The following PRKG2 variants were observed in gnomAD, a reference collection of about 807,000 sequenced individuals.
PRKG2 encodes cGMP-dependent protein kinase 2.
In PRKG2, 33 loss-of-function variants were observed where a neutral mutation model predicts 97.2. That is an observed-to-expected ratio of 0.34 (90% CI 0.26 to 0.45). The LOEUF is 0.45. Ranked by LOEUF, PRKG2 falls within the 20% of genes least tolerant of loss-of-function variation. The pLI, the probability that PRKG2 is intolerant of heterozygous loss-of-function variation, is 1.00. For synonymous variants in PRKG2, 330 were observed against 321.8 expected, an observed-to-expected ratio of 1.03 and a Z score of -0.27; for missense variants, 638 against 900.0, an observed-to-expected ratio of 0.71 and a Z score of 3.73.
intron 2 of PRKG2, among the ~76,000 whole-genome samples, chr4:81,180,731 A>G (rs894994567): frequency 2.6e-5 from 4 of 152,186 alleles, no homozygotes; most frequent in African/African-American, 7.2e-5. Context: ...AAAAATTAGT[A>G]AATAGATCTG....
At chr4:81,133,029 G>T (rs1369363052) in intron 14 of PRKG2, among the ~76,000 whole-genome samples, 5 of 152,034 alleles carry the variant, frequency 3.3e-5, no homozygotes, top group Admixed American at 3.3e-4. Flanking sequence ...TTTAGATCCA[G>T]TAGTTCTTTG....
At chr4:81,100,167 T>C (rs6827234) in intron 17 of PRKG2, among the ~76,000 whole-genome samples, 96,117 of 150,910 alleles carry the variant, frequency 0.64, 32,985 homozygotes, top group African/African-American at 0.91. Flanking sequence ...CAATGCCATC[T>C]CCATCAAGCT....
At chr4:81,168,048 A>AC (rs148586210) in intron 5 of PRKG2, among the ~76,000 whole-genome samples, 16,579 of 152,094 alleles carry the variant, frequency 0.11, 1,103 homozygotes, top group Middle Eastern at 0.21. Flanking sequence ...AAATAAAAAA[A>AC]ATACTGTATA....
intron 14 of PRKG2, among the ~76,000 whole-genome samples, chr4:81,123,361 T>C (rs2110006274): frequency 1.3e-5 from 2 of 152,346 alleles, no homozygotes; most frequent in East Asian, 3.9e-4. Flanking sequence ...CATCCTCATA[T>C]TTTAAGCATA....
chr4:81,097,078 A>T (rs1012980437), intron 17 of PRKG2, among the ~76,000 whole-genome samples: 1 of 152,128 alleles, frequency 6.6e-6, no homozygotes, highest in African/African-American at 2.4e-5. Flanking sequence ...AAATTCATCA[A>T]AATTATTCCT....
intron 2 of PRKG2, among the ~76,000 whole-genome samples, chr4:81,200,340 A>T (rs1753225088): frequency 6.6e-6 from 1 of 152,142 alleles, no homozygotes; most frequent in African/African-American, 2.4e-5. Context: ...CATCAGGTGG[A>T]TCAAACCCAT....
intron 6 of PRKG2, among the ~76,000 whole-genome samples, chr4:81,164,031 A>C (rs1409234898): frequency 1.3e-5 from 2 of 152,166 alleles, no homozygotes; most frequent in African/African-American, 2.4e-5. Context: ...CAGAAGTTTT[A>C]AGGCAAGCAC....
At chr4:81,165,353 C>G (rs1412339634) in intron 6 of PRKG2, among the ~76,000 whole-genome samples, 2 of 152,138 alleles carry the variant, frequency 1.3e-5, no homozygotes, top group Non-Finnish European at 2.9e-5. Flanking sequence ...ATGCAAAACT[C>G]CCAAATCAAC....
chr4:81,170,379 G>C (rs931673736), intron 4 of PRKG2, among the ~76,000 whole-genome samples: 3 of 151,924 alleles, frequency 2.0e-5, no homozygotes, highest in Non-Finnish European at 4.4e-5. Flanking sequence ...AAAGAAAGTG[G>C]GCCAGAAGTG....
At position 81,146,384 on chromosome 4, in the gene PRKG2, T is replaced by G. The variant is rs1051975739; in HGVS notation, c.1155-2054A>C. On this transcript the variant is annotated intron_variant, in intron 9 of 18. Coordinates refer to ENST00000264399, the MANE Select transcript of PRKG2 (RefSeq NM_006259.3). ...AGCAATAACTAATGAACTTTTTTTTTGAAATTTGTCCCAACAGTCAGTGAT... is the reference window on the plus strand; with the variant it reads ...AGCAATAACTAATGAACTTTTTTTTGGAAATTTGTCCCAACAGTCAGTGAT... 1.3e-3 allele frequency among the ~76,000 whole-genome samples: 198 copies of G among 152,200 alleles called. 1 individual carries two copies. Among genetic ancestry groups the G allele is most frequent in the Non-Finnish European group, 1.1e-3 (72 of 68,010 alleles).
intron 6 of PRKG2, among the ~76,000 whole-genome samples, chr4:81,155,246 G>A (rs1009749898): frequency 9.2e-5 from 14 of 151,676 alleles, no homozygotes; most frequent in African/African-American, 3.2e-4. Context: ...GGAGCTGATG[G>A]AGCTGAAAAC....
At chr4:81,144,016 T>G (rs1301125295) in intron 10 of PRKG2, among the ~76,000 whole-genome samples, 1 of 152,160 alleles carries the variant, frequency 6.6e-6, no homozygotes, top group African/African-American at 2.4e-5. Context: ...CTACTCATCA[T>G]CCAAAATAAA....
chr4:81,214,607 C>T (rs1214560568), intron 1 of PRKG2, among the ~76,000 whole-genome samples: 1 of 152,160 alleles, frequency 6.6e-6, no homozygotes, highest in African/African-American at 2.4e-5. Context: ...TAGCTCGGAG[C>T]AACAGCCTCC....
chr4:81,148,293 G>A (rs748702372), intron 9 of PRKG2, among the ~76,000 whole-genome samples: 1 of 151,994 alleles, frequency 6.6e-6, no homozygotes, highest in Non-Finnish European at 1.5e-5. Flanking sequence ...CAGAAATATT[G>A]AGTTGATTAA....
chr4:81,183,185 T>C (rs1751569920), intron 2 of PRKG2, among the ~76,000 whole-genome samples: 1 of 152,026 alleles, frequency 6.6e-6, no homozygotes, highest in South Asian at 2.1e-4. Context: ...AAAAAGACTT[T>C]TGGGGAGTGG....
At chr4:81,181,442 T>C (rs1195007167) in intron 2 of PRKG2, among the ~76,000 whole-genome samples, 3 of 151,186 alleles carry the variant, frequency 2.0e-5, no homozygotes, top group African/African-American at 4.9e-5. Context: ...ATATTATAAA[T>C]GAGCGTCCTA....
intron 10 of PRKG2, among the ~76,000 whole-genome samples, chr4:81,143,726 A>G (rs1321703878): frequency 1.3e-5 from 2 of 152,204 alleles, no homozygotes; most frequent in Non-Finnish European, 2.9e-5. Context: ...CTCTAAAAAA[A>G]TGTTTCAGCA....
chr4:81,147,925 G>T (rs1187875970), intron 9 of PRKG2, among the ~76,000 whole-genome samples: 1 of 152,046 alleles, frequency 6.6e-6, no homozygotes, highest in African/African-American at 2.4e-5. Flanking sequence ...AAAATAGTGT[G>T]GAGATAGCAG....
chr4:81,189,111 A>C (rs1176247806), intron 2 of PRKG2, among the ~76,000 whole-genome samples: 1 of 114,546 alleles, frequency 8.7e-6, no homozygotes, highest in Non-Finnish European at 1.6e-5. Context: ...CAATTGCACA[A>C]TGTTTCAGTA....
Sources: gnomAD v4.1 joint callset for allele counts (sites outside exome capture counted in the v4.1 genomes callset) on GRCh38, gnomAD v4.1.1 for gene constraint, MANE v1.5 for transcripts, NCBI Gene and HGNC (gene_info 2026-07-23, HGNC 2026-07-21) for gene names.